The following HACD1 variants were observed in gnomAD, a reference collection of about 807,000 sequenced individuals.
HACD1 encodes the protein 3-hydroxyacyl-CoA dehydratase 1, also known as very-long-chain (3R)-3-hydroxyacyl-CoA dehydratase 1.
A neutral mutation model predicts 32.0 loss-of-function variants in HACD1; 41 were observed. That is an observed-to-expected ratio of 1.28 (90% CI 1.00 to 1.66). The LOEUF (loss-of-function observed/expected upper bound fraction) is 1.66. Ranked by LOEUF, HACD1 falls within the 40% of genes most tolerant of loss-of-function variation. The pLI is 0.00. For synonymous variants in HACD1, 142 were observed against 139.0 expected (o/e 1.02, Z -0.15); for missense variants, 396 against 380.1 (o/e 1.04, Z -0.35).
At position 17,609,278 on chromosome 10, in the gene HACD1, G is replaced by C. The variant is rs149016262; in HGVS notation, c.258-5231C>G. On this transcript the variant is annotated intron_variant, in intron 1 of 6. Transcript: ENST00000361271. ...ATACCATTCTCCTGCCTCAGCCTCCGTAGTAGCTGAGACTATAGGCGCCCG... is the reference window on the plus strand; with the variant it reads ...ATACCATTCTCCTGCCTCAGCCTCCCTAGTAGCTGAGACTATAGGCGCCCG... 4.6e-3 allele frequency among the ~76,000 whole-genome samples: 689 copies of C among 150,720 alleles called. 3 individuals carry two copies. The highest frequency in any genetic ancestry group is 0.015 in the African/African-American group (630 of 41,004).
chr10:17,591,976 A>ATTTTT (rs71393019), intron 6 of HACD1, among the ~76,000 whole-genome samples: 27,274 of 96,112 alleles, frequency 0.28, 5,335 homozygotes, highest in Non-Finnish European at 0.35. Context: ...CCAGCTACTG[A>ATTTTT]TTTTTTTTTT....
chr10:17,598,052 GTGTTCGAGAC>G (rs880000361), intron 5 of HACD1, among the ~76,000 whole-genome samples: 3 of 151,930 alleles, frequency 2.0e-5, no homozygotes, highest in Non-Finnish European at 2.9e-5. Flanking sequence ...TTGAGCTCAG[GTGTTCGAGAC>G]CAGCCTGGGC....
intron 1 of HACD1, among the ~76,000 whole-genome samples, chr10:17,616,695 C>G (rs1426512930): frequency 6.6e-6 from 1 of 151,446 alleles, no homozygotes; most frequent in African/African-American, 2.4e-5. Flanking sequence ...GGCGAAAACT[C>G]TGCCCAGCGA....
At chr10:17,612,932 AAC>A (rs1833011221) in intron 1 of HACD1, among the ~76,000 whole-genome samples, 1 of 151,742 alleles carries the variant, frequency 6.6e-6, no homozygotes, top group South Asian at 2.1e-4. Context: ...AAAAAAAAAA[AAC>A]AAAAACAAAA....
intron 1 of HACD1, among the ~76,000 whole-genome samples, chr10:17,615,300 C>T (rs1833058476): frequency 6.6e-6 from 1 of 152,196 alleles, no homozygotes; most frequent in Non-Finnish European, 1.5e-5. Context: ...ATCTGTGCCT[C>T]ACTCTTCTAA....
chr10:17,610,004 C>T (rs375935129), intron 1 of HACD1, among the ~76,000 whole-genome samples: 14 of 147,224 alleles, frequency 9.5e-5, no homozygotes, highest in South Asian at 4.3e-4. Flanking sequence ...AAAAAAAGAA[C>T]GAAAGAAATT....
At chr10:17,615,963 G>A (rs555752189) in intron 1 of HACD1, 8 of 286,390 alleles carry the variant, frequency 2.8e-5, no homozygotes, top group African/African-American at 7.0e-5. Context: ...ATGAGTCTCC[G>A]TCTAAAAAAT....
chr10:17,617,353 G>A lies in HACD1; in HGVS notation c.-14C>T, dbSNP rs1442679539. On this transcript the variant is annotated 5_prime_UTR_variant, in exon 1 of 7. Transcript: ENST00000361271. Reference sequence around the variant, plus strand: ...CAGGCGCCCCATGTGCAGCGCGCAGGGGGCTCGGCGCAGCCAGCTCTACCG... The same window carrying A: ...CAGGCGCCCCATGTGCAGCGCGCAGAGGGCTCGGCGCAGCCAGCTCTACCG... 1.5e-6 allele frequency: 2 copies of A among 1,355,444 alleles called. No individual in the cohort carries two copies. The highest frequency in any genetic ancestry group is 1.8e-5 in the South Asian group (1 of 56,038). 84.0% of individuals were successfully genotyped at this position (1,355,444 alleles called of 1,614,324 possible).
At chr10:17,600,603 G>C (rs1588987337) in intron 4 of HACD1, among the ~76,000 whole-genome samples, 1 of 152,042 alleles carries the variant, frequency 6.6e-6, no homozygotes, top group African/African-American at 2.4e-5. Context: ...TAGGATTACA[G>C]GCATGAGCCA....
At chr10:17,617,048 G>T (rs1156271958) in intron 1 of HACD1, 35 bp downstream of exon 1, 1 of 1,391,658 alleles carries the variant, frequency 7.2e-7, no homozygotes, top group Non-Finnish European at 9.3e-7. Context: ...ACCGCGGCGC[G>T]GGGAGGGCCC....
At chr10:17,607,340 C>T (rs1205828500) in intron 1 of HACD1, among the ~76,000 whole-genome samples, 3 of 152,140 alleles carry the variant, frequency 2.0e-5, no homozygotes, top group East Asian at 3.8e-4. Flanking sequence ...CTCATGTGAG[C>T]GCCAACACTG....
intron 6 of HACD1, among the ~76,000 whole-genome samples, chr10:17,593,585 G>A (rs1194236074): frequency 6.6e-6 from 1 of 152,232 alleles, no homozygotes; most frequent in Non-Finnish European, 1.5e-5. Flanking sequence ...AAAGTGCTGG[G>A]ATTATAGGCA....
In HACD1 at chr10:17,613,865, A is replaced by G. The variant is rs544783527; in HGVS notation, c.257+3218T>C. 1.1e-3 allele frequency among the ~76,000 whole-genome samples: 166 copies of G among 152,276 alleles called. 1 individual carries two copies. Among genetic ancestry groups the G allele is most frequent in the African/African-American group, 3.9e-3 (161 of 41,524 alleles). On this transcript the variant is annotated intron_variant, in intron 1 of 6. Transcript: ENST00000361271. ...CAAAAGTGAAAAACCTGAGCACAGA[A>G]GCAGAGCGCTGTGAAAATACATGGT...
chr10:17,613,876 G>A (rs1554817752), intron 1 of HACD1, among the ~76,000 whole-genome samples: 1 of 151,702 alleles, frequency 6.6e-6, no homozygotes, highest in Non-Finnish European at 1.5e-5. Context: ...GCAGAGCGCT[G>A]TGAAAATACA....
intron 1 of HACD1, among the ~76,000 whole-genome samples, chr10:17,609,856 C>A (rs368282740): frequency 6.6e-6 from 1 of 151,730 alleles, no homozygotes; most frequent in Admixed American, 6.6e-5. Context: ...TGGTGGTGCA[C>A]GCCTGGAGTC....
At chr10:17,604,537 T>C (rs937552660) in intron 1 of HACD1, among the ~76,000 whole-genome samples, 3 of 151,148 alleles carry the variant, frequency 2.0e-5, no homozygotes, top group Non-Finnish European at 2.9e-5. Flanking sequence ...ATATTAGCCT[T>C]AAAAAGAAAA....
chr10:17,590,330 A>C lies in HACD1; in HGVS notation c.*34T>G. On this transcript the variant is annotated 3_prime_UTR_variant, in exon 7 of 7. Transcript: ENST00000361271. ...AACTTGGACTCAGGTAATCTTGGTT[A>C]TTCTGGAAAAAGCACCTTGTTTGCA... The C allele has an allele frequency of 6.9e-7, 1 of 1,452,042 alleles. No homozygotes were observed. The highest frequency in any genetic ancestry group is 9.4e-7 in the Non-Finnish European group (1 of 1,061,318). The allele number at this position is 1,452,042 out of a possible 1,614,324, so 89.9% of individuals were successfully genotyped here.
intron 1 of HACD1, among the ~76,000 whole-genome samples, chr10:17,610,484 AC>A (rs1279768778): frequency 6.6e-6 from 1 of 152,090 alleles, no homozygotes; most frequent in African/African-American, 2.4e-5. Flanking sequence ...CCTTGTTTCT[AC>A]AAAAAATTTA....
In HACD1 at chr10:17,603,730, T is replaced by G. The variant is rs1834103607; in HGVS notation, c.390A>C (p.Leu130Phe). The change falls in exon 3 of 7, where the codon TTA becomes TTC. Residue 130 changes from leucine to phenylalanine, a missense_variant. Leu to Phe is a conservative substitution (Grantham distance 22). Transcript: ENST00000361271. ...TFALLEIVHC[L>F]IGIVPTSVIV... ...AAAATTGAAGCAAAAACTCACCAAT[T>G]AAACAGTGAACTATCTGTAAGCAAA... The G allele has an allele frequency of 6.3e-7, 1 of 1,599,812 alleles. No individual in the cohort carries two copies. Among genetic ancestry groups the G allele is most frequent in the Admixed American group, 1.7e-5 (1 of 59,794 alleles).
Sources: allele counts gnomAD v4.1 joint callset (sites outside exome capture counted in the v4.1 genomes callset), GRCh38; gene constraint gnomAD v4.1.1; transcripts MANE v1.5; gene names NCBI Gene and HGNC (gene_info 2026-07-23, HGNC 2026-07-21).